Variants in ADK observed in about 807,000 individuals in gnomAD.
The protein encoded by ADK is N6,N6-dimethyladenosine kinase.
ADK carries 24 observed loss-of-function variants against 44.7 expected under a neutral mutation model. The observed-to-expected ratio is 0.54, with a 90% CI of 0.39 to 0.76. ADK has a LOEUF of 0.76. Ranked by LOEUF, ADK falls within the 30% of genes least tolerant of loss-of-function variation. The pLI is 0.00. For missense variants in ADK, 321 were observed against 425.1 expected (o/e 0.76, Z 2.15); for synonymous variants, 128 against 142.6 (o/e 0.90, Z 0.73).
At chr10:74,259,673 G>A (rs574679104) in intron 3 of ADK, among the ~76,000 whole-genome samples, 26 of 151,764 alleles carry the variant, frequency 1.7e-4, no homozygotes, top group African/African-American at 5.8e-4. Flanking sequence ...TAGCCAGGAT[G>A]GTCTCGATCT....
chr10:74,315,108 C>A (rs1840571267), intron 4 of ADK, among the ~76,000 whole-genome samples: 1 of 151,984 alleles, frequency 6.6e-6, no homozygotes, highest in Admixed American at 6.5e-5. Flanking sequence ...TACATTAACT[C>A]TTACAGTGTC....
intron 9 of ADK, among the ~76,000 whole-genome samples, chr10:74,632,194 T>C (rs1853457491): frequency 6.6e-6 from 1 of 152,208 alleles, no homozygotes; most frequent in South Asian, 2.1e-4. Context: ...TGCATATAAA[T>C]GGACTCTTAC....
intron 10 of ADK, among the ~76,000 whole-genome samples, chr10:74,672,219 G>A (rs528046527): frequency 1.3e-5 from 2 of 152,212 alleles, no homozygotes; most frequent in Admixed American, 1.3e-4. Context: ...AGGCCAAATA[G>A]TGACTATTTT....
intron 3 of ADK, among the ~76,000 whole-genome samples, chr10:74,298,635 G>A (rs1414661811): frequency 1.3e-5 from 2 of 152,096 alleles, no homozygotes; most frequent in East Asian, 1.9e-4. Flanking sequence ...GCCAGGTGTG[G>A]TGGCTCATGC....
intron 6 of ADK, among the ~76,000 whole-genome samples, chr10:74,403,354 G>GAGGC (rs1843784095): frequency 6.6e-6 from 1 of 152,146 alleles, no homozygotes; most frequent in South Asian, 2.1e-4. Context: ...GGAGTCTACA[G>GAGGC]AGGCAGGCAG....
intron 6 of ADK, among the ~76,000 whole-genome samples, chr10:74,514,880 A>G (rs1481226106): frequency 6.6e-6 from 1 of 151,878 alleles, no homozygotes; most frequent in Non-Finnish European, 1.5e-5. Flanking sequence ...GCTGGAGTGC[A>G]GTGGCACAAT....
At chr10:74,186,229 T>TG (rs1554826790) in intron 1 of ADK, among the ~76,000 whole-genome samples, 4 of 46,938 alleles carry the variant, frequency 8.5e-5, no homozygotes, top group African/African-American at 1.5e-4. Context: ...TCCCTTCCCC[T>TG]CCTTTCCCTT....
chr10:74,587,696 A>G (rs1432042663), intron 7 of ADK, among the ~76,000 whole-genome samples: 1 of 151,774 alleles, frequency 6.6e-6, no homozygotes, highest in Non-Finnish European at 1.5e-5. Flanking sequence ...ATTTTGGAAG[A>G]ATGTGAGTTA....
chr10:74,187,650 T>C (rs1591824550), intron 1 of ADK, among the ~76,000 whole-genome samples: 2 of 152,322 alleles, frequency 1.3e-5, no homozygotes, highest in South Asian at 2.1e-4. Context: ...TTTTATGGTA[T>C]TACCTTTTCT....
At chr10:74,165,063 G>A (rs1037981601) in intron 1 of ADK, among the ~76,000 whole-genome samples, 1 of 152,130 alleles carries the variant, frequency 6.6e-6, no homozygotes, top group Non-Finnish European at 1.5e-5. Context: ...GGAGGGAGGA[G>A]ATGCCTAAGA....
chr10:74,573,109 C>G (rs1055863359), intron 7 of ADK, among the ~76,000 whole-genome samples: 15 of 151,638 alleles, frequency 9.9e-5, no homozygotes, highest in African/African-American at 3.7e-4. Context: ...TTTTTCTGCT[C>G]TGTTTTTTCC....
At chr10:74,496,602 G>T (rs140021239) in intron 6 of ADK, among the ~76,000 whole-genome samples, 1 of 152,282 alleles carries the variant, frequency 6.6e-6, no homozygotes, top group East Asian at 1.9e-4. Flanking sequence ...AGCAGTGTGA[G>T]AATGGACGAA....
chr10:74,166,602 G>A (rs1320344533), intron 1 of ADK, among the ~76,000 whole-genome samples: 2 of 150,134 alleles, frequency 1.3e-5, no homozygotes, highest in Non-Finnish European at 2.9e-5. Flanking sequence ...TAGGAGAATC[G>A]CTTGAACTTG....
intron 7 of ADK, among the ~76,000 whole-genome samples, chr10:74,567,974 C>G (rs1051822013): frequency 6.6e-6 from 1 of 152,138 alleles, no homozygotes; most frequent in African/African-American, 2.4e-5. Context: ...GCTGGGATTA[C>G]AGGCCTGAGC....
chr10:74,228,602 A>C (rs1057138609), intron 3 of ADK, among the ~76,000 whole-genome samples: 9 of 152,212 alleles, frequency 5.9e-5, no homozygotes, highest in Non-Finnish European at 1.3e-4. Context: ...AAGAAAAAGT[A>C]AAAGATACTG....
rs190238192 is a variant in ADK at position 74,244,389 on chromosome 10, G to A, written c.194+19798G>A. Among the ~76,000 whole-genome samples, 435 of 152,328 alleles carry A rather than the reference G, an allele frequency of 2.9e-3. 2 individuals are homozygous for A. The highest frequency in any genetic ancestry group is 6.8e-3 in the Middle Eastern group (2 of 294). On this transcript the variant is annotated intron_variant, in intron 3 of 10. Coordinates refer to ENST00000539909, the MANE Select transcript of ADK (RefSeq NM_006721.4). ...ATTTGGGCATTGTATTTTGGGTGTA[G>A]ATGAGCTCAGTGGAAGGAAGCATTC... is the stretch of plus-strand genomic sequence containing the variant.
intron 7 of ADK, among the ~76,000 whole-genome samples, chr10:74,527,098 A>ACTGAG (rs1295009358): frequency 6.6e-6 from 1 of 152,260 alleles, no homozygotes. Context: ...ACGGTGGCTC[A>ACTGAG]CGCCTGTGAT....
At chr10:74,511,800 C>T (rs1458415697) in intron 6 of ADK, among the ~76,000 whole-genome samples, 1 of 152,034 alleles carries the variant, frequency 6.6e-6, no homozygotes, top group African/African-American at 2.4e-5. Context: ...ATTTCTTTCT[C>T]TTGCCTAATT....
chr10:74,654,314 T>C (rs1360988528), intron 9 of ADK, among the ~76,000 whole-genome samples: 1 of 152,224 alleles, frequency 6.6e-6, no homozygotes, highest in East Asian at 1.9e-4. Flanking sequence ...GGCCTTTCAG[T>C]ATTTTCTATA....
Sources: gnomAD v4.1 joint callset for allele counts (sites outside exome capture counted in the v4.1 genomes callset) on GRCh38, gnomAD v4.1.1 for gene constraint, MANE v1.5 for transcripts, NCBI Gene and HGNC (gene_info 2026-07-23, HGNC 2026-07-21) for gene names.